GRIP2: variants seen among roughly 807,000 people sequenced by gnomAD.
GRIP2 encodes glutamate receptor interacting protein 2.
A neutral mutation model predicts 108.3 loss-of-function variants in GRIP2; 58 were observed. That is an observed-to-expected ratio of 0.54 (90% CI 0.43 to 0.67). The LOEUF is 0.67. GRIP2 is among the 30% of genes least tolerant of loss of function. GRIP2 has a pLI of 0.00. For synonymous variants in GRIP2, 586 were observed against 598.2 expected (o/e 0.98, Z 0.30); for missense variants, 1,278 against 1,430.6 (o/e 0.89, Z 1.72).
chr3:14,585,478 C>T, the GRIP2 span, among the ~76,000 whole-genome samples: 1 of 152,220 alleles, frequency 6.6e-6, no homozygotes, highest in Non-Finnish European at 1.5e-5. Flanking sequence ...CAGTTCAGAG[C>T]AGACACAGGC....
the GRIP2 span, among the ~76,000 whole-genome samples, chr3:14,576,882 T>C: frequency 1.3e-5 from 2 of 152,212 alleles, no homozygotes; most frequent in African/African-American, 4.8e-5. Flanking sequence ...CATTGATTCA[T>C]CCTCTAAAAA....
rs1694136052 is a variant in GRIP2, at chr3:14,512,821, T to G, written c.1676A>C (p.Lys559Thr). 1 of 1,613,706 alleles carries G rather than the reference T, an allele frequency of 6.2e-7. No homozygotes were observed. The highest frequency in any genetic ancestry group is 1.3e-5 in the African/African-American group (1 of 75,052). ...CTCCACGCTGCGCTTCTTGGGCAGCTTCACGTGGAAGGTGCCACTGCTTGG... is the reference window on the plus strand; with the variant it reads ...CTCCACGCTGCGCTTCTTGGGCAGCGTCACGTGGAAGGTGCCACTGCTTGG... The part of the protein sequence containing the change: ...VIPSSGTFHV[K>T]LPKKRSVELG... The change falls in exon 14 of 24, where the codon AAG (lysine) becomes ACG (threonine). Residue 559 changes from lysine to threonine, a missense_variant. Physicochemically the swap from Lys to Thr is moderately conservative, Grantham distance 78. Coordinates refer to ENST00000621039, the MANE Select transcript of GRIP2 (RefSeq NM_001080423.4). This position sits in a 1 kb window ranked among gnomAD's most constrained non-coding sequence, Gnocchi z 5.1.
At position 14,505,802 on chromosome 3, in the gene GRIP2, A is replaced by G; in HGVS notation, c.2399-13T>C. On this transcript the variant is annotated splice_polypyrimidine_tract_variant and intron_variant, in intron 19 of 23. Coordinates refer to ENST00000621039, the MANE Select transcript of GRIP2 (RefSeq NM_001080423.4). The surrounding 1 kb of genome is among the most constrained non-coding windows in gnomAD (Gnocchi z 4.2). ...GGTGTATAGGACCCTGGTGGTGGAG[A>G]GAGGGCCTCTGTGTTCCCTGCGGCC... The G allele has an allele frequency of 6.6e-6, 10 of 1,505,136 alleles. No homozygotes were observed. The highest frequency in any genetic ancestry group is 8.9e-6 in the Non-Finnish European group (10 of 1,128,340). The allele number at this position is 1,505,136 out of a possible 1,614,324, so 93.2% of individuals were successfully genotyped here.
chr3:14,516,983 C>T (rs1467175620), intron 11 of GRIP2, 81 bp downstream of exon 11: 13 of 1,328,680 alleles, frequency 9.8e-6, no homozygotes, highest in East Asian at 8.9e-5. Context: ...TACCTCCCCT[C>T]GCCCTGACAT....
At chr3:14,542,568 GTC>G (rs1391641134), upstream of GRIP2, among the ~76,000 whole-genome samples, 6 of 152,162 alleles carry the variant, frequency 3.9e-5, no homozygotes, top group Non-Finnish European at 7.3e-5. Context: ...CCACATTTCT[GTC>G]TCTCTCACTG....
chr3:14,540,263 A>T lies in GRIP2; in HGVS notation c.40+6T>A. The T allele has an allele frequency of 1.2e-6, 2 of 1,608,352 alleles. No homozygotes were observed. Among genetic ancestry groups the T allele is most frequent in the Non-Finnish European group, 1.7e-6 (2 of 1,177,812 alleles). Reference sequence around the variant, plus strand: ...TCACTCTGCCCACAGACCCCCCATTACGTACCCGCCTCTCCAGGGGTCTCC... The same window carrying T: ...TCACTCTGCCCACAGACCCCCCATTTCGTACCCGCCTCTCCAGGGGTCTCC... On this transcript the variant is annotated splice_donor_region_variant and intron_variant, in intron 1 of 23. Transcript: ENST00000621039. The surrounding 1 kb of genome is among the most constrained non-coding windows in gnomAD (Gnocchi z 4.1).
At chr3:14,591,164 T>C in the GRIP2 span, among the ~76,000 whole-genome samples, 2 of 152,340 alleles carry the variant, frequency 1.3e-5, no homozygotes, top group African/African-American at 4.8e-5. Flanking sequence ...CTTTCCCTGC[T>C]CTTTCCTTCT....
the GRIP2 span, among the ~76,000 whole-genome samples, chr3:14,591,300 C>G: frequency 3.3e-5 from 5 of 152,216 alleles, no homozygotes; most frequent in Admixed American, 6.5e-5. Flanking sequence ...TTAATATTCC[C>G]TGTATGATCT....
chr3:14,602,346 G>T, the GRIP2 span: 1 of 152,078 alleles, frequency 6.6e-6, no homozygotes, highest in Admixed American at 6.5e-5. This position sits in a 1 kb window ranked among gnomAD's most constrained non-coding sequence, Gnocchi z 4.7. Flanking sequence ...GGGCAGTGCG[G>T]CGAGTCAGCC....
intron 11 of GRIP2, among the ~76,000 whole-genome samples, 163 bp from the exon 12 acceptor site, chr3:14,514,641 G>A (rs1230185651): frequency 1.3e-5 from 2 of 152,198 alleles, no homozygotes; most frequent in Non-Finnish European, 2.9e-5. Context: ...TCTGAGCCTT[G>A]GCTTCCTCAT....
At chr3:14,577,037 A>T in the GRIP2 span, among the ~76,000 whole-genome samples, 1 of 152,244 alleles carries the variant, frequency 6.6e-6, no homozygotes, top group Non-Finnish European at 1.5e-5. Context: ...CACCAGTTGT[A>T]GACAACTTCT....
chr3:14,522,301 G>A lies in GRIP2; in HGVS notation c.567-514C>T, dbSNP rs1441193570. ...CCGCGCCTGGGAAAGAACTCAACAG[G>A]GGCCAGGGGAGGGGCCCCAGCAGGG... On this transcript the variant is annotated intron_variant, in intron 6 of 23. Transcript: ENST00000621039. The surrounding 1 kb of genome is among the most constrained non-coding windows in gnomAD (Gnocchi z 4.3). 6.5e-6 allele frequency: 1 copy of A among 153,424 alleles called. No homozygotes were observed. Among genetic ancestry groups the A allele is most frequent in the Non-Finnish European group, 1.4e-5 (1 of 69,064 alleles). The allele number at this position is 153,424 out of a possible 1,614,324, so 9.5% of individuals were successfully genotyped here. A position where few individuals can be genotyped will look rare whatever the true frequency, so the allele number is the denominator to read the frequency against.
At chr3:14,556,417 G>A (rs867760701), upstream of GRIP2, among the ~76,000 whole-genome samples, 1 of 152,132 alleles carries the variant, frequency 6.6e-6, no homozygotes, top group Non-Finnish European at 1.5e-5. Flanking sequence ...TCTCTGCCTG[G>A]GAATGTTTGC....
chr3:14,595,940 C>A, the GRIP2 span, among the ~76,000 whole-genome samples: 33 of 152,362 alleles, frequency 2.2e-4, no homozygotes, highest in East Asian at 6.0e-3. Context: ...CTGAGCTGGG[C>A]ACTTCAGACT....
At chr3:14,518,272 C>T (rs1575009823) in intron 9 of GRIP2, among the ~76,000 whole-genome samples, 2 of 152,328 alleles carry the variant, frequency 1.3e-5, no homozygotes, top group African/African-American at 2.4e-5. Context: ...AGCTGGCAGA[C>T]GGTGTCCAGC....
the GRIP2 span, chr3:14,572,705 G>T: frequency 2.3e-6 from 1 of 437,594 alleles, no homozygotes; most frequent in Non-Finnish European, 4.2e-6. Context: ...CAACAGAAGT[G>T]AACAAGGCAC....
rs1164621626 is a variant in GRIP2 at position 14,521,493 on chromosome 3, A to C, written c.712+149T>G. 2 of 804,370 alleles carry C rather than the reference A, an allele frequency of 2.5e-6. No individual in the cohort carries two copies. Among genetic ancestry groups the C allele is most frequent in the East Asian group, 5.7e-5 (2 of 34,888 alleles). The allele number at this position is 804,370 out of a possible 1,614,324, so 49.8% of individuals were successfully genotyped here. ...CAGCACATCAAACAATGCCTAGCAC[A>C]TACTATTTACTGCCCAGAGAAGCTG... is the stretch of plus-strand genomic sequence containing the variant. On this transcript the variant is annotated intron_variant, in intron 7 of 23. Coordinates refer to ENST00000621039, the MANE Select transcript of GRIP2 (RefSeq NM_001080423.4). The surrounding 1 kb of genome is among the most constrained non-coding windows in gnomAD (Gnocchi z 5.1).
At chr3:14,562,784 A>G in the GRIP2 span, among the ~76,000 whole-genome samples, 2 of 152,164 alleles carry the variant, frequency 1.3e-5, no homozygotes, top group Non-Finnish European at 2.9e-5. Context: ...CATCGCCCAG[A>G]GTGGAACTAC....
At chr3:14,546,464 C>T (rs966400432), upstream of GRIP2, among the ~76,000 whole-genome samples, 13 of 152,096 alleles carry the variant, frequency 8.5e-5, no homozygotes, top group African/African-American at 1.7e-4. Flanking sequence ...ACTTGAGAGG[C>T]GGGAGATCTG....
Sources: allele counts gnomAD v4.1 joint callset (sites outside exome capture counted in the v4.1 genomes callset), GRCh38; gene constraint gnomAD v4.1.1; non-coding constraint Gnocchi (gnomAD v3.1); transcripts MANE v1.5; gene names NCBI Gene and HGNC (gene_info 2026-07-23, HGNC 2026-07-21).